SLC24A2: variants seen among roughly 807,000 people sequenced by gnomAD.
SLC24A2 encodes the protein solute carrier family 24 member 2.
Under a neutral mutation model 62.0 loss-of-function variants are expected in SLC24A2, and 36 were observed. The observed-to-expected ratio is 0.58, with a 90% CI of 0.44 to 0.77. The LOEUF (loss-of-function observed/expected upper bound fraction) is 0.77, where lower values mean the gene tolerates loss of function less well. Among genes scored for constraint, SLC24A2 ranks in the 30% least tolerant of loss-of-function variants. The probability of loss-of-function intolerance (pLI) is 0.00; values close to 1 mark genes in which losing one functional copy is unlikely to be tolerated. For synonymous variants in SLC24A2, 358 were observed against 294.0 expected (o/e 1.22, Z -2.23); for missense variants, 846 against 817.9 (o/e 1.03, Z -0.42).
the SLC24A2 span, among the ~76,000 whole-genome samples, chr9:20,031,705 ATTCCCAGG>A: frequency 3.0e-3 from 460 of 152,286 alleles, 3 homozygotes; most frequent in African/African-American, 0.01. Context: ...ACATCATTCC[ATTCCCAGG>A]TCCCCAGGGA....
At chr9:19,590,566 T>C (rs1027256405) in intron 5 of SLC24A2, among the ~76,000 whole-genome samples, 4 of 152,172 alleles carry the variant, frequency 2.6e-5, no homozygotes, top group Admixed American at 2.6e-4. Context: ...GCGGACTTCC[T>C]GGTCTCCCTC....
intron 2 of SLC24A2, among the ~76,000 whole-genome samples, chr9:19,713,945 C>G (rs1820787673): frequency 6.6e-6 from 1 of 152,162 alleles, no homozygotes; most frequent in Non-Finnish European, 1.5e-5. Context: ...AGAAAATCCC[C>G]AAACTGTTGG....
the SLC24A2 span, among the ~76,000 whole-genome samples, chr9:20,197,808 C>T: frequency 1.3e-5 from 2 of 152,078 alleles, no homozygotes; most frequent in Admixed American, 6.6e-5. Flanking sequence ...GCCAGACCAT[C>T]AAACAAACAC....
At chr9:20,233,866 G>A in the SLC24A2 span, among the ~76,000 whole-genome samples, 1 of 152,170 alleles carries the variant, frequency 6.6e-6, no homozygotes, top group Non-Finnish European at 1.5e-5. Flanking sequence ...GGCTGGTACT[G>A]GTTGTCCCTT....
chr9:19,857,840 G>A, the SLC24A2 span, among the ~76,000 whole-genome samples: 1 of 151,112 alleles, frequency 6.6e-6, no homozygotes, highest in Non-Finnish European at 1.5e-5. Flanking sequence ...GTACTATTTC[G>A]TCCTTTGCAG....
the SLC24A2 span, among the ~76,000 whole-genome samples, chr9:19,984,770 C>T: frequency 7.9e-5 from 12 of 152,086 alleles, no homozygotes; most frequent in South Asian, 4.1e-4. Flanking sequence ...GTGCCAACAT[C>T]GTTCAATAGC....
intron 2 of SLC24A2, among the ~76,000 whole-genome samples, chr9:19,653,109 A>G (rs747571143): frequency 1.5e-4 from 23 of 152,076 alleles, no homozygotes; most frequent in Non-Finnish European, 1.3e-4. Context: ...CACCCCCCAA[A>G]CTTGGACATG....
chr9:19,757,872 G>C (rs964125783), intron 2 of SLC24A2, among the ~76,000 whole-genome samples: 1 of 152,010 alleles, frequency 6.6e-6, no homozygotes, highest in Non-Finnish European at 1.5e-5. Context: ...TATTACTCTT[G>C]AGAATAGATT....
the SLC24A2 span, among the ~76,000 whole-genome samples, chr9:20,117,000 C>G: frequency 2.0e-5 from 3 of 152,244 alleles, no homozygotes; most frequent in South Asian, 6.2e-4. Flanking sequence ...ACTCAACCCC[C>G]AGGAAATATA....
chr9:19,873,362 C>T, the SLC24A2 span, among the ~76,000 whole-genome samples: 22 of 147,212 alleles, frequency 1.5e-4, no homozygotes, highest in Admixed American at 1.5e-3. Flanking sequence ...TTCCTTCCTT[C>T]TCTTTCTTTC....
At chr9:19,911,873 T>C in the SLC24A2 span, among the ~76,000 whole-genome samples, 19 of 152,040 alleles carry the variant, frequency 1.2e-4, no homozygotes, top group Non-Finnish European at 2.5e-4. Context: ...AAATCAGACA[T>C]TTAAGGGTGA....
chr9:20,212,496 C>T, the SLC24A2 span, among the ~76,000 whole-genome samples: 1 of 151,560 alleles, frequency 6.6e-6, no homozygotes, highest in East Asian at 1.9e-4. Flanking sequence ...ACTAAAAATA[C>T]AAAAATTAGC....
chr9:19,901,673 T>A, the SLC24A2 span, among the ~76,000 whole-genome samples: 5 of 152,320 alleles, frequency 3.3e-5, no homozygotes, highest in East Asian at 9.6e-4. Flanking sequence ...TATTGTAGTA[T>A]CTACAATTAG....
the SLC24A2 span, among the ~76,000 whole-genome samples, chr9:20,064,629 A>G: frequency 6.6e-6 from 1 of 152,160 alleles, no homozygotes; most frequent in East Asian, 1.9e-4. Context: ...TGACTTTCCC[A>G]TTGGAAATGT....
intron 8 of SLC24A2, among the ~76,000 whole-genome samples, chr9:19,541,944 A>G (rs1240102943): frequency 1.3e-5 from 2 of 152,136 alleles, no homozygotes; most frequent in Non-Finnish European, 2.9e-5. Flanking sequence ...AAAGCGCAAT[A>G]TTCGGGTGGG....
chr9:19,634,739 C>A (rs1350259130), intron 2 of SLC24A2, among the ~76,000 whole-genome samples: 1 of 152,126 alleles, frequency 6.6e-6, no homozygotes, highest in African/African-American at 2.4e-5. Flanking sequence ...CTTTATAGAA[C>A]TTTTTAGGGA....
chr9:20,239,297 G>C, the SLC24A2 span, among the ~76,000 whole-genome samples: 4 of 152,308 alleles, frequency 2.6e-5, no homozygotes, highest in East Asian at 5.8e-4. Context: ...CATTGCATGG[G>C]ACATTATAAT....
chr9:19,858,779 G>C, the SLC24A2 span, among the ~76,000 whole-genome samples: 1 of 152,092 alleles, frequency 6.6e-6, no homozygotes, highest in East Asian at 1.9e-4. Context: ...TTAGTGAAAT[G>C]CAAATCAAAA....
chr9:19,779,692 T>C (rs977474210), intron 2 of SLC24A2, among the ~76,000 whole-genome samples: 4 of 152,210 alleles, frequency 2.6e-5, no homozygotes, highest in African/African-American at 7.2e-5. Flanking sequence ...TCTAAAAATA[T>C]TGATGGTAAA....
Sources: allele counts gnomAD v4.1 joint callset (sites outside exome capture counted in the v4.1 genomes callset), GRCh38; gene constraint gnomAD v4.1.1; transcripts MANE v1.5; gene names NCBI Gene and HGNC (gene_info 2026-07-23, HGNC 2026-07-21).